Variants in GRID1 observed in about 807,000 individuals in gnomAD.
The protein encoded by GRID1 is glutamate receptor ionotropic, delta-1.
Under a neutral mutation model 98.0 loss-of-function variants are expected in GRID1, and 28 were observed. That is an observed-to-expected ratio of 0.29 (90% CI 0.21 to 0.39). GRID1 has a LOEUF of 0.39. Among genes scored for constraint, GRID1 ranks in the 10% least tolerant of loss-of-function variants. The pLI, the probability that GRID1 is intolerant of heterozygous loss-of-function variation, is 1.00. For synonymous variants in GRID1, 553 were observed against 538.5 expected (o/e 1.03, Z -0.37); for missense variants, 1,111 against 1,340.5 (o/e 0.83, Z 2.67).
Position 85,602,380 on chromosome 10 carries a change from G to GC in GRID1, c.2922dup (p.Leu975AlafsTer86), listed in dbSNP as rs780877661. On this transcript the variant is annotated frameshift_variant, in exon 16 of 16. Coordinates refer to ENST00000327946, the MANE Select transcript of GRID1 (RefSeq NM_017551.3). LOFTEE classifies it high-confidence loss of function. ...GTCTTCACCGGGCTCTGCCGGAACAGCCCCCCGTTGGGTGACCTGTGTTTG... is the reference window on the plus strand; with the variant it reads ...GTCTTCACCGGGCTCTGCCGGAACAGCCCCCCCGTTGGGTGACCTGTGTTTG... The GC allele has an allele frequency of 6.2e-7, 1 of 1,607,230 alleles. No homozygotes were observed. Among genetic ancestry groups the GC allele is most frequent in the East Asian group, 2.2e-5 (1 of 44,710 alleles).
intron 8 of GRID1, among the ~76,000 whole-genome samples, chr10:85,839,090 T>C (rs1842938488): frequency 6.6e-6 from 1 of 152,022 alleles, no homozygotes; most frequent in Non-Finnish European, 1.5e-5. Flanking sequence ...GGTGAGAAGA[T>C]CTAACTATCC....
chr10:86,310,436 G>C (rs1470608557), intron 2 of GRID1, among the ~76,000 whole-genome samples: 1 of 152,164 alleles, frequency 6.6e-6, no homozygotes, highest in Non-Finnish European at 1.5e-5. Context: ...CCAGCCCTGT[G>C]TGGGGTAGAG....
At chr10:85,890,918 C>A (rs1841191485) in intron 5 of GRID1, among the ~76,000 whole-genome samples, 1 of 152,146 alleles carries the variant, frequency 6.6e-6, no homozygotes, top group South Asian at 2.1e-4. Context: ...AAAGCCAATT[C>A]TTTTCATTCT....
Position 86,308,475 on chromosome 10 carries a change from A to T in GRID1, c.235+55466T>A, listed in dbSNP as rs151029836. ...GGTGAAATACAAACACCAAACACCC[A>T]GCCTCAGAGTGACTGTGGGTCACTG... is the stretch of plus-strand genomic sequence containing the variant. On this transcript the variant is annotated intron_variant, in intron 2 of 15. Coordinates refer to ENST00000327946, the MANE Select transcript of GRID1 (RefSeq NM_017551.3). Among the ~76,000 whole-genome samples, 4 of 152,346 alleles carry T rather than the reference A, an allele frequency of 2.6e-5. No homozygotes were observed. The East Asian group carries it at 7.7e-4, about 29-fold the overall frequency.
chr10:86,303,969 G>T (rs1303307482), intron 2 of GRID1, among the ~76,000 whole-genome samples: 1 of 152,176 alleles, frequency 6.6e-6, no homozygotes, highest in Non-Finnish European at 1.5e-5. Flanking sequence ...TCAGGTCATT[G>T]GTCATTACTT....
Position 85,874,710 on chromosome 10 carries a change from G to A in GRID1, c.781-5530C>T, listed in dbSNP as rs571445975. On this transcript the variant is annotated intron_variant, in intron 5 of 15. Transcript: ENST00000327946. Reference sequence around the variant, plus strand: ...GGAAAGGCTGGCTTTGTAGCTTACCGTGTGGTCAGTTTGTACTACATGAAC... The same window carrying A: ...GGAAAGGCTGGCTTTGTAGCTTACCATGTGGTCAGTTTGTACTACATGAAC... Among the ~76,000 whole-genome samples the A allele has an allele frequency of 5.3e-5, 8 of 152,144 alleles. 1 individual carries two copies. The highest frequency in any genetic ancestry group is 4.1e-4 in the South Asian group (2 of 4,830).
At chr10:85,887,487 T>A (rs766933743) in intron 5 of GRID1, among the ~76,000 whole-genome samples, 1 of 152,178 alleles carries the variant, frequency 6.6e-6, no homozygotes, top group African/African-American at 2.4e-5. Flanking sequence ...ATCAGCATCA[T>A]CTCAGAGCTT....
At chr10:86,024,578 G>A (rs1458375757) in intron 4 of GRID1, among the ~76,000 whole-genome samples, 1 of 152,182 alleles carries the variant, frequency 6.6e-6, no homozygotes, top group Non-Finnish European at 1.5e-5. Context: ...GATGGTGCCG[G>A]GGCTCCATAA....
chr10:85,636,230 T>C (rs1843039600), intron 13 of GRID1, among the ~76,000 whole-genome samples: 1 of 152,184 alleles, frequency 6.6e-6, no homozygotes, highest in Non-Finnish European at 1.5e-5. Flanking sequence ...TTTGAAATAA[T>C]ATACTGTCCC....
chr10:85,666,524 A>G (rs1841020558), intron 12 of GRID1, among the ~76,000 whole-genome samples: 1 of 152,184 alleles, frequency 6.6e-6, no homozygotes, highest in South Asian at 2.1e-4. Context: ...GTGGAGAAGT[A>G]AGAGATTTAG....
At chr10:85,901,500 G>T (rs1359238459) in intron 5 of GRID1, among the ~76,000 whole-genome samples, 1 of 152,074 alleles carries the variant, frequency 6.6e-6, no homozygotes, top group South Asian at 2.1e-4. Flanking sequence ...TGCCCGCCTT[G>T]GCCTCCCAAA....
chr10:86,005,795 T>G (rs1842853862), intron 4 of GRID1, among the ~76,000 whole-genome samples: 1 of 152,210 alleles, frequency 6.6e-6, no homozygotes, highest in Admixed American at 6.5e-5. Flanking sequence ...TGACAAAGAT[T>G]TGCCTGACAG....
chr10:86,220,084 C>T (rs1846231289), intron 2 of GRID1, among the ~76,000 whole-genome samples: 1 of 152,210 alleles, frequency 6.6e-6, no homozygotes, highest in African/African-American at 2.4e-5. Context: ...TAGCCACTGG[C>T]ACAAAATAGA....
chr10:86,365,038 C>A lies in GRID1; in HGVS notation c.80-942G>T, dbSNP rs571411079. 5.8e-4 allele frequency among the ~76,000 whole-genome samples: 88 copies of A among 152,274 alleles called. 1 individual carries two copies. The highest frequency in any genetic ancestry group is 2.0e-3 in the African/African-American group (84 of 41,556). On this transcript the variant is annotated intron_variant, in intron 1 of 15. Transcript: ENST00000327946. This position sits in a 1 kb window ranked among gnomAD's most constrained non-coding sequence, Gnocchi z 4.8. ...CCAAGCCTCGAGGGTCCCTGAGGTC[C>A]CGGAGCTAGGCCCAGTGATCCCTCG...
intron 12 of GRID1, among the ~76,000 whole-genome samples, chr10:85,686,677 C>A: frequency 6.6e-6 from 1 of 151,580 alleles, no homozygotes; most frequent in East Asian, 1.9e-4. Context: ...TATTTCTGAT[C>A]TAAAATATCA....
chr10:86,225,783 G>A (rs1056044935), intron 2 of GRID1, among the ~76,000 whole-genome samples: 10 of 152,174 alleles, frequency 6.6e-5, no homozygotes, highest in Non-Finnish European at 1.5e-4. Flanking sequence ...TCCTACATGA[G>A]GTAGCTGTAC....
intron 2 of GRID1, among the ~76,000 whole-genome samples, chr10:86,248,676 G>A (rs901174711): frequency 1.3e-5 from 2 of 148,816 alleles, no homozygotes; most frequent in Admixed American, 1.4e-4. Flanking sequence ...GGGCTCAAGC[G>A]ATCCTCCTAC....
intron 4 of GRID1, among the ~76,000 whole-genome samples, chr10:86,123,205 A>G (rs1434472531): frequency 6.6e-6 from 1 of 152,036 alleles, no homozygotes; most frequent in East Asian, 1.9e-4. Context: ...GAGAAGGGGG[A>G]CCTACTCAAG....
intron 4 of GRID1, among the ~76,000 whole-genome samples, chr10:86,111,106 C>T (rs1344193164): frequency 6.6e-6 from 1 of 152,208 alleles, no homozygotes; most frequent in Non-Finnish European, 1.5e-5. Flanking sequence ...CTGTAGGCCC[C>T]TTATGTTTCT....
Sources: allele counts gnomAD v4.1 joint callset (sites outside exome capture counted in the v4.1 genomes callset), GRCh38; gene constraint gnomAD v4.1.1; non-coding constraint Gnocchi (gnomAD v3.1); transcripts MANE v1.5; gene names NCBI Gene and HGNC (gene_info 2026-07-23, HGNC 2026-07-21).